SLC4A4: variants seen among roughly 807,000 people sequenced by gnomAD.
SLC4A4 encodes the protein electrogenic sodium bicarbonate cotransporter 1.
Under a neutral mutation model 111.5 loss-of-function variants are expected in SLC4A4, and 27 were observed. The ratio of observed to expected loss-of-function variants is 0.24; its 90% CI spans 0.18 to 0.33. SLC4A4 has a LOEUF of 0.33. SLC4A4 is among the 10% of genes least tolerant of loss of function. SLC4A4 has a pLI of 1.00. For missense variants in SLC4A4, 909 were observed against 1,315.5 expected (o/e 0.69, Z 4.78); for synonymous variants, 443 against 463.4 (o/e 0.96, Z 0.57).
intron 13 of SLC4A4, among the ~76,000 whole-genome samples, chr4:71,468,235 T>C (rs1248467864): frequency 6.6e-6 from 1 of 152,094 alleles, no homozygotes; most frequent in East Asian, 1.9e-4. Context: ...CAAACAGTTT[T>C]TATATGTTTA....
At chr4:71,533,722 T>C (rs944731113) in intron 17 of SLC4A4, among the ~76,000 whole-genome samples, 2 of 152,084 alleles carry the variant, frequency 1.3e-5, no homozygotes, top group Non-Finnish European at 2.9e-5. Flanking sequence ...TTATATATAT[T>C]ATGAAGCTGT....
intron 2 of SLC4A4, among the ~76,000 whole-genome samples, chr4:71,172,903 TCC>T (rs1415186713): frequency 6.6e-6 from 1 of 152,198 alleles, no homozygotes; most frequent in African/African-American, 2.4e-5. Flanking sequence ...CTTTACAAGA[TCC>T]CTAGTGAATG....
chr4:71,151,756 T>TAA (rs35840387), intron 2 of SLC4A4, among the ~76,000 whole-genome samples: 6 of 127,904 alleles, frequency 4.7e-5, no homozygotes, highest in Non-Finnish European at 6.9e-5. Context: ...CCATTTCTAC[T>TAA]AAAAAAAAAA....
At chr4:71,443,834 A>C (rs978844459) in intron 8 of SLC4A4, among the ~76,000 whole-genome samples, 2 of 152,190 alleles carry the variant, frequency 1.3e-5, no homozygotes, top group Non-Finnish European at 2.9e-5. Flanking sequence ...TTTGTGATTA[A>C]TTGTCAAAGC....
At chr4:71,456,488 A>G (rs185434150) in intron 12 of SLC4A4, among the ~76,000 whole-genome samples, 1 of 152,258 alleles carries the variant, frequency 6.6e-6, no homozygotes, top group Non-Finnish European at 1.5e-5. Flanking sequence ...AAGGGTATGT[A>G]CTTTACCGCA....
intron 18 of SLC4A4, among the ~76,000 whole-genome samples, chr4:71,546,026 A>G (rs1560607992): frequency 6.6e-6 from 1 of 152,078 alleles, no homozygotes; most frequent in East Asian, 1.9e-4. Flanking sequence ...GTGGGCATAT[A>G]TATCTCCATT....
chr4:71,073,046 T>C lies in SLC4A4; in HGVS notation c.-65+10258T>C, dbSNP rs1402902870. 2.0e-5 allele frequency among the ~76,000 whole-genome samples: 3 copies of C among 152,252 alleles called. No individual in the cohort carries two copies. In the East Asian group the frequency reaches 5.8e-4, roughly 29 times the overall value. ...TCTCCCAAAGTTCTGGGATTACAGG[T>C]GTGAGCCACAGTGCCCAGCCTTCCT... On this transcript the variant is annotated intron_variant, in intron 1 of 26. Transcript: ENST00000649996.
intron 3 of SLC4A4, among the ~76,000 whole-genome samples, chr4:71,316,083 T>G (rs1297160891): frequency 6.6e-6 from 1 of 152,118 alleles, no homozygotes; most frequent in Non-Finnish European, 1.5e-5. Flanking sequence ...TCCAAACCAT[T>G]TAAAAAACAA....
intron 2 of SLC4A4, among the ~76,000 whole-genome samples, chr4:71,243,989 G>C (rs1204925965): frequency 1.3e-5 from 2 of 152,050 alleles, no homozygotes; most frequent in African/African-American, 4.8e-5. Context: ...AGTAACATTG[G>C]CCAGTATATC....
At chr4:71,142,205 T>C (rs879425357) in intron 2 of SLC4A4, among the ~76,000 whole-genome samples, 1 of 152,234 alleles carries the variant, frequency 6.6e-6, no homozygotes, top group Non-Finnish European at 1.5e-5. Context: ...AGTATAGCTT[T>C]AGGACAGAGC....
intron 2 of SLC4A4, among the ~76,000 whole-genome samples, chr4:71,102,040 G>A (rs1302038276): frequency 2.0e-5 from 3 of 151,132 alleles, no homozygotes; most frequent in Non-Finnish European, 4.4e-5. Context: ...TTAGAAGAAT[G>A]TATAACTAGA....
chr4:71,377,100 A>G (rs954017541), intron 6 of SLC4A4, among the ~76,000 whole-genome samples: 5 of 152,206 alleles, frequency 3.3e-5, no homozygotes, highest in African/African-American at 1.2e-4. Flanking sequence ...AATATTTAAA[A>G]ATTTTTAGTT....
At chr4:71,202,309 A>G (rs1161497692) in intron 1 of SLC4A4, among the ~76,000 whole-genome samples, 1 of 152,134 alleles carries the variant, frequency 6.6e-6, no homozygotes, top group Non-Finnish European at 1.5e-5. Context: ...TTCATTTCTC[A>G]TTCACTTTAG....
chr4:71,148,428 T>C (rs1352371272), intron 2 of SLC4A4, among the ~76,000 whole-genome samples: 1 of 152,110 alleles, frequency 6.6e-6, no homozygotes, highest in East Asian at 1.9e-4. Context: ...TTGGGGTACA[T>C]GTGCAAGTTT....
intron 2 of SLC4A4, among the ~76,000 whole-genome samples, chr4:71,143,932 C>T (rs896174840): frequency 6.6e-6 from 1 of 152,104 alleles, no homozygotes; most frequent in Non-Finnish European, 1.5e-5. Context: ...TTTTGCTGTG[C>T]AGAAGCTCTT....
At chr4:71,151,210 G>A (rs1462566346) in intron 2 of SLC4A4, among the ~76,000 whole-genome samples, 1 of 152,200 alleles carries the variant, frequency 6.6e-6, no homozygotes, top group African/African-American at 2.4e-5. Context: ...TGCGTCTACT[G>A]GTTTGCTGCC....
chr4:71,521,953 A>C (rs1560584154), intron 16 of SLC4A4, among the ~76,000 whole-genome samples: 2 of 152,182 alleles, frequency 1.3e-5, no homozygotes, highest in African/African-American at 2.4e-5. Flanking sequence ...CCCATGGTCA[A>C]TGACCCAGTC....
chr4:71,261,678 C>T (rs532674887), intron 3 of SLC4A4, among the ~76,000 whole-genome samples: 1 of 152,342 alleles, frequency 6.6e-6, no homozygotes, highest in South Asian at 2.1e-4. Flanking sequence ...TGAAATGCAG[C>T]TCTCTTGAAG....
At chr4:71,203,856 A>G (rs925401052) in intron 1 of SLC4A4, among the ~76,000 whole-genome samples, 1 of 152,216 alleles carries the variant, frequency 6.6e-6, no homozygotes, top group Non-Finnish European at 1.5e-5. Context: ...AGTTAGTAGA[A>G]GTATATTAAA....
Sources: gnomAD v4.1 joint callset for allele counts (sites outside exome capture counted in the v4.1 genomes callset) on GRCh38, gnomAD v4.1.1 for gene constraint, MANE v1.5 for transcripts, NCBI Gene and HGNC (gene_info 2026-07-23, HGNC 2026-07-21) for gene names.